The following MEGF11 variants were observed in gnomAD, a reference collection of about 807,000 sequenced individuals.
MEGF11 encodes multiple EGF like domains 11.
Under a neutral mutation model 146.6 loss-of-function variants are expected in MEGF11, and 126 were observed. The ratio of observed to expected loss-of-function variants is 0.86; its 90% CI spans 0.74 to 1.00. The LOEUF (loss-of-function observed/expected upper bound fraction) is 1.00. Ranked by LOEUF, MEGF11 falls within the 50% of genes least tolerant of loss-of-function variation. The pLI is 0.00. For synonymous variants in MEGF11, 532 were observed against 583.4 expected, an observed-to-expected ratio of 0.91 and a Z score of 1.27; for missense variants, 1,509 against 1,521.2, an observed-to-expected ratio of 0.99 and a Z score of 0.13.
chr15:65,908,026 T>C (rs1466667742), intron 23 of MEGF11, among the ~76,000 whole-genome samples: 1 of 151,922 alleles, frequency 6.6e-6, no homozygotes, highest in Non-Finnish European at 1.5e-5. Context: ...GGTGGGGCTG[T>C]GTGTGTGTGT....
chr15:65,941,847 A>G lies in MEGF11; in HGVS notation c.1288-10904T>C, dbSNP rs1198180263. Among the ~76,000 whole-genome samples, 3 of 152,300 alleles carry G rather than the reference A, an allele frequency of 2.0e-5. No individual in the cohort carries two copies. In the East Asian group the frequency reaches 5.8e-4, roughly 29 times the overall value. On this transcript the variant is annotated intron_variant, in intron 10 of 25. Transcript: ENST00000395614. Reference sequence around the variant, plus strand: ...AGCAGGACCCTGGTCCTAACCAATGACCACACCCCTTCACCCCTCCAGACA... The same window carrying G: ...AGCAGGACCCTGGTCCTAACCAATGGCCACACCCCTTCACCCCTCCAGACA...
intron 1 of MEGF11, among the ~76,000 whole-genome samples, chr15:66,243,891 C>T (rs1597172764): frequency 6.6e-6 from 1 of 152,234 alleles, no homozygotes; most frequent in East Asian, 1.9e-4. Flanking sequence ...GTCCTTCCAA[C>T]ATCATACTAT....
intron 20 of MEGF11, among the ~76,000 whole-genome samples, chr15:65,913,164 G>T (rs2078869493): frequency 6.6e-6 from 1 of 152,192 alleles, no homozygotes; most frequent in Non-Finnish European, 1.5e-5. Flanking sequence ...ATGCCTATTG[G>T]AGCTGTTAAC....
At chr15:66,026,088 C>G (rs1421618043) in intron 5 of MEGF11, among the ~76,000 whole-genome samples, 1 of 152,198 alleles carries the variant, frequency 6.6e-6, no homozygotes, top group Non-Finnish European at 1.5e-5. Flanking sequence ...TTCAGATCTC[C>G]GGGGATGGAG....
At chr15:65,967,416 ACAGTAAT>A (rs912708133) in intron 8 of MEGF11, among the ~76,000 whole-genome samples, 1 of 152,160 alleles carries the variant, frequency 6.6e-6, no homozygotes, top group Non-Finnish European at 1.5e-5. Context: ...TATATCTTCT[ACAGTAAT>A]CAGAGGGGAA....
chr15:66,119,738 G>A (rs966570424), intron 3 of MEGF11, among the ~76,000 whole-genome samples: 3 of 152,052 alleles, frequency 2.0e-5, no homozygotes, highest in Non-Finnish European at 2.9e-5. Flanking sequence ...TAACACCTCC[G>A]GGAGAGGAGC....
intron 1 of MEGF11, among the ~76,000 whole-genome samples, chr15:66,240,444 G>A (rs764638484): frequency 2.0e-5 from 3 of 152,220 alleles, no homozygotes; most frequent in Non-Finnish European, 4.4e-5. Flanking sequence ...TGCCTGTCAC[G>A]CGTCTGAGGT....
intron 1 of MEGF11, among the ~76,000 whole-genome samples, chr15:66,220,526 G>GT (rs33968918): frequency 3.2e-4 from 37 of 115,128 alleles, no homozygotes; most frequent in Admixed American, 1.7e-3. Context: ...GTTTCGTTGG[G>GT]TTTTTTTTTT....
chr15:66,090,643 C>G (rs923518619), intron 5 of MEGF11, among the ~76,000 whole-genome samples: 2 of 152,180 alleles, frequency 1.3e-5, no homozygotes, highest in Non-Finnish European at 2.9e-5. Flanking sequence ...GCCAGCAGGC[C>G]CCACGAATCT....
At chr15:66,057,018 T>C (rs890036120) in intron 5 of MEGF11, among the ~76,000 whole-genome samples, 1 of 152,234 alleles carries the variant, frequency 6.6e-6, no homozygotes, top group African/African-American at 2.4e-5. Context: ...TTCCATTCAA[T>C]GCTGCAAAAT....
chr15:66,018,676 C>CGTGTGCAA (rs61127824), intron 5 of MEGF11, among the ~76,000 whole-genome samples: 124,740 of 151,334 alleles, frequency 0.82, 52,496 homozygotes, highest in East Asian at 0.93. Context: ...AGGGTGTCTG[C>CGTGTGCAA]GTGTGCAAGT....
At chr15:66,185,769 C>G (rs868569869) in intron 1 of MEGF11, among the ~76,000 whole-genome samples, 12 of 152,136 alleles carry the variant, frequency 7.9e-5, no homozygotes, top group Non-Finnish European at 5.9e-5. Context: ...GACCAGAACA[C>G]CAGAAGCAGA....
chr15:66,017,495 C>T (rs1268186409), intron 5 of MEGF11, among the ~76,000 whole-genome samples: 7 of 152,200 alleles, frequency 4.6e-5, no homozygotes, highest in African/African-American at 1.7e-4. Context: ...TCTGTCTAGC[C>T]ACCATGTTCC....
intron 5 of MEGF11, among the ~76,000 whole-genome samples, chr15:66,027,495 C>G (rs2083374449): frequency 6.6e-6 from 1 of 152,202 alleles, no homozygotes; most frequent in Non-Finnish European, 1.5e-5. Flanking sequence ...AATGGGTGCC[C>G]CATGCATTCT....
At chr15:66,197,236 C>T (rs531786736) in intron 1 of MEGF11, among the ~76,000 whole-genome samples, 3 of 152,102 alleles carry the variant, frequency 2.0e-5, no homozygotes, top group Admixed American at 6.5e-5. Context: ...TTACTTATGT[C>T]CTTGAAATTA....
At chr15:66,122,003 A>G (rs1009628632) in intron 3 of MEGF11, among the ~76,000 whole-genome samples, 1 of 152,140 alleles carries the variant, frequency 6.6e-6, no homozygotes, top group Non-Finnish European at 1.5e-5. Context: ...GGTGGCTCAC[A>G]CCTGTAATCC....
At chr15:65,977,477 C>CTTTTT (rs1180788795) in intron 7 of MEGF11, among the ~76,000 whole-genome samples, 3 of 130,370 alleles carry the variant, frequency 2.3e-5, no homozygotes, top group African/African-American at 8.6e-5. Flanking sequence ...CTCTCTCCCT[C>CTTTTT]TTTTTTTTTT....
chr15:65,915,583 G>A lies in MEGF11; in HGVS notation c.2360C>T (p.Thr787Ile). 1.2e-6 allele frequency: 2 copies of A among 1,613,910 alleles called. No individual in the cohort carries two copies. The highest frequency in any genetic ancestry group is 1.7e-6 in the Non-Finnish European group (2 of 1,179,856). The change falls in exon 19 of 26, where the codon ACC becomes ATC. Residue 787 changes from threonine to isoleucine, a missense_variant. Thr to Ile is a moderately conservative substitution (Grantham distance 89, BLOSUM62 -1). Transcript: ENST00000395614. Reference protein sequence around the residue: ...QHCEQRCAPGTFGYGCQQLCE... With the variant: ...QHCEQRCAPGIFGYGCQQLCE... Reference sequence around the variant, plus strand: ...TAGCTGCTGACACCCATAGCCAAAGGTTCCTGGGGCACATCCTGTGTGGCA... The same window carrying A: ...TAGCTGCTGACACCCATAGCCAAAGATTCCTGGGGCACATCCTGTGTGGCA...
intron 24 of MEGF11, among the ~76,000 whole-genome samples, chr15:65,899,178 A>G (rs1229619321): frequency 5.3e-5 from 8 of 152,228 alleles, no homozygotes; most frequent in African/African-American, 1.4e-4. Context: ...GTAGTTGGGT[A>G]TTAATTCAAG....
Sources: allele counts gnomAD v4.1 joint callset (sites outside exome capture counted in the v4.1 genomes callset), GRCh38; gene constraint gnomAD v4.1.1; transcripts MANE v1.5; gene names NCBI Gene and HGNC (gene_info 2026-07-23, HGNC 2026-07-21).